ZNF469: variants seen among roughly 807,000 people sequenced by gnomAD.
ZNF469 encodes zinc finger protein 469.
ZNF469 carries 1 observed loss-of-function variant against 1.0 expected under a neutral mutation model. That is an observed-to-expected ratio of 1.00 (90% CI 0.35 to 4.73). The LOEUF (loss-of-function observed/expected upper bound fraction) is 4.73. ZNF469 is among the 30% of genes most tolerant of loss of function. ZNF469 has a pLI of 0.16. For synonymous variants in ZNF469, 2,703 were observed against 2,363.4 expected (o/e 1.14, Z -4.17); for missense variants, 6,100 against 5,356.3 (o/e 1.14, Z -4.33).
the ZNF469 span, among the ~76,000 whole-genome samples, chr16:88,153,931 C>T: frequency 3.3e-5 from 5 of 152,216 alleles, no homozygotes; most frequent in African/African-American, 1.2e-4. Context: ...ACTCTCAAAG[C>T]CTTATTTATC....
chr16:88,135,430 C>T, the ZNF469 span, among the ~76,000 whole-genome samples: 6 of 152,216 alleles, frequency 3.9e-5, no homozygotes, highest in East Asian at 3.8e-4. Context: ...TCCAGATGGA[C>T]GAGGTTGGCC....
the ZNF469 span, among the ~76,000 whole-genome samples, chr16:88,144,126 G>A: frequency 6.8e-4 from 103 of 152,332 alleles, no homozygotes; most frequent in African/African-American, 2.3e-3. Flanking sequence ...GCCCGGGGCC[G>A]TCCCGGAGCA....
At chr16:88,238,163 T>C in the ZNF469 span, among the ~76,000 whole-genome samples, 1 of 152,244 alleles carries the variant, frequency 6.6e-6, no homozygotes, top group Non-Finnish European at 1.5e-5. Context: ...AACTGGGAGC[T>C]CTGACGGGGA....
chr16:88,233,438 G>A, the ZNF469 span, among the ~76,000 whole-genome samples: 13 of 152,352 alleles, frequency 8.5e-5, no homozygotes, highest in Middle Eastern at 3.4e-3. Flanking sequence ...GGCCTGGGCC[G>A]TGGGCTCACT....
At chr16:88,330,982 C>T in the ZNF469 span, among the ~76,000 whole-genome samples, 22 of 152,240 alleles carry the variant, frequency 1.4e-4, no homozygotes, top group South Asian at 4.6e-3. Context: ...ACCATCGCCA[C>T]CACCATCACC....
chr16:88,161,289 G>T, the ZNF469 span, among the ~76,000 whole-genome samples: 1 of 152,164 alleles, frequency 6.6e-6, no homozygotes, highest in Non-Finnish European at 1.5e-5. Flanking sequence ...CTCCCTAAAC[G>T]GTGACGATCT....
At chr16:88,280,572 A>T in the ZNF469 span, among the ~76,000 whole-genome samples, 2 of 133,410 alleles carry the variant, frequency 1.5e-5, no homozygotes, top group South Asian at 4.8e-4. Flanking sequence ...GATCAGTACT[A>T]TGCTGATGTT....
chr16:88,249,937 C>T, the ZNF469 span, among the ~76,000 whole-genome samples: 2 of 152,226 alleles, frequency 1.3e-5, no homozygotes, highest in African/African-American at 4.8e-5. Flanking sequence ...CCTCCCTGAC[C>T]TTCAGCATAG....
rs1002811580 is a variant in ZNF469, at chr16:88,424,886, C to T, written c.-127+15C>T. ...CGACTCCCCAGGTATGTACAGGCAG[C>T]AGCCTGCACCGAGGCTGGCCACAGA... is the stretch of plus-strand genomic sequence containing the variant. On this transcript the variant is annotated intron_variant, in intron 2 of 2. Transcript: ENST00000565624. The surrounding 1 kb of genome is among the most constrained non-coding windows in gnomAD (Gnocchi z 4.3). 1.3e-5 allele frequency among the ~76,000 whole-genome samples: 2 copies of T among 152,334 alleles called. No homozygotes were observed. The highest frequency in any genetic ancestry group is 2.1e-4 in the South Asian group (1 of 4,830).
the ZNF469 span, among the ~76,000 whole-genome samples, chr16:88,209,395 A>G: frequency 2.0e-5 from 3 of 151,074 alleles, no homozygotes; most frequent in Non-Finnish European, 4.4e-5. Flanking sequence ...GGTTCATGCC[A>G]TTCTCCTGTC....
At chr16:88,292,393 C>T in the ZNF469 span, among the ~76,000 whole-genome samples, 1 of 152,150 alleles carries the variant, frequency 6.6e-6, no homozygotes, top group Admixed American at 6.5e-5. Flanking sequence ...TAAACTCGGA[C>T]CAGTAATTTT....
At chr16:88,374,571 G>C in the ZNF469 span, among the ~76,000 whole-genome samples, 1 of 152,246 alleles carries the variant, frequency 6.6e-6, no homozygotes, top group Non-Finnish European at 1.5e-5. Context: ...CTGAGCAGGG[G>C]CATGACATGA....
chr16:88,345,249 G>A, the ZNF469 span, among the ~76,000 whole-genome samples: 9,947 of 152,196 alleles, frequency 0.065, 397 homozygotes, highest in East Asian at 0.14. Flanking sequence ...CGCCATCCAC[G>A]CACACCTCGT....
the ZNF469 span, among the ~76,000 whole-genome samples, chr16:88,264,025 C>A: frequency 1.3e-5 from 2 of 152,060 alleles, no homozygotes; most frequent in African/African-American, 4.8e-5. Context: ...TGTGGCAGGC[C>A]CAGTGTCCAC....
chr16:88,156,941 G>A, the ZNF469 span, among the ~76,000 whole-genome samples: 1 of 152,208 alleles, frequency 6.6e-6, no homozygotes, highest in Non-Finnish European at 1.5e-5. Context: ...GATCTCAGGT[G>A]AGGGGCAGGG....
At chr16:88,120,373 G>A in the ZNF469 span, among the ~76,000 whole-genome samples, 5 of 152,398 alleles carry the variant, frequency 3.3e-5, no homozygotes, top group South Asian at 6.2e-4. Context: ...CTCCATCGGA[G>A]CTTGGTGCTC....
the ZNF469 span, among the ~76,000 whole-genome samples, chr16:88,126,564 A>G: frequency 7.9e-6 from 1 of 126,600 alleles, no homozygotes; most frequent in Non-Finnish European, 1.7e-5. Context: ...TTTTCTCCTT[A>G]TTCTGCTTAT....
the ZNF469 span, among the ~76,000 whole-genome samples, chr16:88,273,055 T>G: frequency 6.7e-6 from 1 of 149,980 alleles, no homozygotes; most frequent in African/African-American, 2.5e-5. Context: ...GACGAGTGGA[T>G]AGATGGATGA....
the ZNF469 span, among the ~76,000 whole-genome samples, chr16:88,186,822 G>A: frequency 3.3e-5 from 5 of 152,200 alleles, no homozygotes; most frequent in Admixed American, 6.5e-5. Flanking sequence ...GGCGGGGCGG[G>A]GGGATGCGGT....
Sources: allele counts gnomAD v4.1 joint callset (sites outside exome capture counted in the v4.1 genomes callset), GRCh38; gene constraint gnomAD v4.1.1; non-coding constraint Gnocchi (gnomAD v3.1); transcripts MANE v1.5; gene names NCBI Gene and HGNC (gene_info 2026-07-23, HGNC 2026-07-21).